MYOM1: variants seen among roughly 807,000 people sequenced by gnomAD.
The protein encoded by MYOM1 is myomesin 1, also known as myomesin-1.
MYOM1 carries 164 observed loss-of-function variants against 205.3 expected under a neutral mutation model. The observed-to-expected ratio is 0.80, with a 90% CI of 0.70 to 0.91. The LOEUF is 0.91. Ranked by LOEUF, MYOM1 falls within the 40% of genes least tolerant of loss-of-function variation. The pLI is 0.00. For synonymous variants in MYOM1, 772 were observed against 789.4 expected, an observed-to-expected ratio of 0.98 and a Z score of 0.37; for missense variants, 2,011 against 2,127.3, an observed-to-expected ratio of 0.95 and a Z score of 1.08.
chr18:3,129,653 T>TCTTTTGCAAGAGCAAATC, intron 17 of MYOM1, 134 bp from the exon 18 acceptor site: 1 of 894,734 alleles, frequency 1.1e-6, no homozygotes, highest in Non-Finnish European at 1.6e-6. Flanking sequence ...AGAAAATCGC[T>TCTTTTGCAAGAGCAAATC]CACATTTGCA....
At chr18:3,196,003 T>C (rs1470115427) in intron 2 of MYOM1, among the ~76,000 whole-genome samples, 1 of 152,208 alleles carries the variant, frequency 6.6e-6, no homozygotes, top group Non-Finnish European at 1.5e-5. Flanking sequence ...TGTTATATAG[T>C]ACTGCTTAGA....
At chr18:3,169,541 G>A (rs538377014) in intron 8 of MYOM1, among the ~76,000 whole-genome samples, 10 of 152,120 alleles carry the variant, frequency 6.6e-5, no homozygotes, top group South Asian at 4.1e-4. Flanking sequence ...ATGGCCAACC[G>A]GTATACGGAA....
intron 8 of MYOM1, among the ~76,000 whole-genome samples, chr18:3,172,255 ACT>A (rs1223079044): frequency 1.3e-5 from 2 of 152,174 alleles, no homozygotes; most frequent in East Asian, 3.8e-4. Flanking sequence ...GAATATAAGC[ACT>A]CTGTTTTCTG....
chr18:3,178,017 G>A (rs1447596085), intron 5 of MYOM1, among the ~76,000 whole-genome samples: 1 of 152,158 alleles, frequency 6.6e-6, no homozygotes, highest in South Asian at 2.1e-4. Flanking sequence ...TGTACGTGGC[G>A]CCTGGATTCT....
intron 22 of MYOM1, among the ~76,000 whole-genome samples, chr18:3,108,575 G>C (rs1372056712): frequency 6.7e-6 from 1 of 149,082 alleles, no homozygotes; most frequent in Non-Finnish European, 1.5e-5. Context: ...ATGGAGTCTT[G>C]CTCTGTCACC....
chr18:3,126,757 C>T lies in MYOM1; in HGVS notation c.2935G>A (p.Val979Ile), dbSNP rs764885157. The change falls in exon 19 of 38, where the codon GTA becomes ATA. Residue 979 changes from valine to isoleucine, a missense_variant. Val to Ile is a conservative substitution (Grantham distance 29). Coordinates refer to ENST00000356443, the MANE Select transcript of MYOM1 (RefSeq NM_003803.4). ...TTGGCTTCTCTCCATTTTCCTGGTA[C>T]CCCATCAATGACCTCGCGATAGTTC... ...YVNYREVIDG[V>I]PGKWREANVK... 10 of 1,613,740 alleles carry T rather than the reference C, an allele frequency of 6.2e-6. No homozygotes were observed. The Admixed American group carries it at 1.3e-4, about 22-fold the overall frequency.
At chr18:3,153,220 C>T (rs531947131) in intron 11 of MYOM1, among the ~76,000 whole-genome samples, 3 of 152,170 alleles carry the variant, frequency 2.0e-5, no homozygotes, top group Non-Finnish European at 2.9e-5. Context: ...TTCCGCAGCA[C>T]GTTGGAGCAG....
chr18:3,186,073 G>A (rs2080804929), intron 5 of MYOM1, among the ~76,000 whole-genome samples: 1 of 152,286 alleles, frequency 6.6e-6, no homozygotes, highest in African/African-American at 2.4e-5. Context: ...GTATGCACCT[G>A]TATTCCCAGC....
intron 34 of MYOM1, among the ~76,000 whole-genome samples, chr18:3,076,934 G>A (rs749760119): frequency 3.3e-5 from 5 of 151,440 alleles, no homozygotes; most frequent in African/African-American, 1.2e-4. Context: ...GGATGGTCTC[G>A]ATCTCCCGAC....
chr18:3,244,402 TG>T, the MYOM1 span, among the ~76,000 whole-genome samples: 2 of 152,204 alleles, frequency 1.3e-5, no homozygotes, highest in African/African-American at 4.8e-5. Context: ...CCAGTGTGAC[TG>T]TATCTGGAGA....
intron 34 of MYOM1, among the ~76,000 whole-genome samples, chr18:3,076,327 C>A (rs2079020887): frequency 6.6e-6 from 1 of 152,184 alleles, no homozygotes; most frequent in African/African-American, 2.4e-5. Flanking sequence ...CTCGGCCTCC[C>A]AAAGTGCTGG....
intron 23 of MYOM1, among the ~76,000 whole-genome samples, chr18:3,101,099 G>T (rs66878562): frequency 6.6e-6 from 1 of 151,966 alleles, no homozygotes; most frequent in African/African-American, 2.4e-5. Flanking sequence ...AAAAATTATC[G>T]TTCAATTATC....
At chr18:3,164,076 TG>T in intron 10 of MYOM1, among the ~76,000 whole-genome samples, 1 of 152,252 alleles carries the variant, frequency 6.6e-6, no homozygotes, top group Non-Finnish European at 1.5e-5. Context: ...GGGCTGGTCT[TG>T]AATCCCTGGG....
intron 19 of MYOM1, among the ~76,000 whole-genome samples, chr18:3,121,985 G>C (rs2079699111): frequency 6.6e-6 from 1 of 152,104 alleles, no homozygotes; most frequent in Admixed American, 6.6e-5. Context: ...CAGGCGTGGT[G>C]GCACATGCCT....
chr18:3,129,462 G>A lies in MYOM1; in HGVS notation c.2564C>T (p.Thr855Ile), dbSNP rs2079844454. The change falls in exon 18 of 38, where the codon ACC (threonine) becomes ATC (isoleucine). Residue 855 changes from threonine to isoleucine, a missense_variant. Transcript: ENST00000356443. ...TTCATGCACGCGCCCCCTGGAGGCGGTTAGTCCACCAGGCTCATCGCTCAG... is the reference window on the plus strand; with the variant it reads ...TTCATGCACGCGCCCCCTGGAGGCGATTAGTCCACCAGGCTCATCGCTCAG... The part of the protein sequence containing the change: ...PALSDEPGGL[T>I]ASRGRVHEAS... 1 of 1,613,906 alleles carries A rather than the reference G, an allele frequency of 6.2e-7. No individual in the cohort carries two copies. Among genetic ancestry groups the A allele is most frequent in the African/African-American group, 1.3e-5 (1 of 75,040 alleles).
intron 3 of MYOM1, among the ~76,000 whole-genome samples, chr18:3,192,166 T>C (rs1359838145): frequency 2.0e-5 from 3 of 152,192 alleles, no homozygotes; most frequent in African/African-American, 4.8e-5. Flanking sequence ...GTTAAGCTGA[T>C]GTGGTTTTTA....
At chr18:3,077,919 G>A (rs929821212) in intron 34 of MYOM1, among the ~76,000 whole-genome samples, 1 of 150,832 alleles carries the variant, frequency 6.6e-6, no homozygotes, top group Non-Finnish European at 1.5e-5. Context: ...GCCGTGAATG[G>A]GTGAGGTGAA....
chr18:3,080,633 C>A (rs1197993898), intron 33 of MYOM1, among the ~76,000 whole-genome samples: 5 of 151,338 alleles, frequency 3.3e-5, no homozygotes, highest in African/African-American at 4.9e-5. Context: ...GAGATCACGC[C>A]ATTGCACTCC....
chr18:3,187,352 T>C, intron 5 of MYOM1, 128 bp downstream of exon 5: 1 of 1,079,494 alleles, frequency 9.3e-7, no homozygotes, highest in Non-Finnish European at 1.3e-6. Flanking sequence ...TCTTCACTCT[T>C]TTAAAAACCT....
Sources: gnomAD v4.1 joint callset for allele counts (sites outside exome capture counted in the v4.1 genomes callset) on GRCh38, gnomAD v4.1.1 for gene constraint, MANE v1.5 for transcripts, NCBI Gene and HGNC (gene_info 2026-07-23, HGNC 2026-07-21) for gene names.